ELL: variants seen among roughly 807,000 people sequenced by gnomAD.
ELL encodes the protein RNA polymerase II elongation factor ELL.
A neutral mutation model predicts 64.0 loss-of-function variants in ELL; 18 were observed. The ratio of observed to expected loss-of-function variants is 0.28; its 90% CI spans 0.19 to 0.42. The LOEUF is 0.42. Ranked by LOEUF, ELL falls within the 10% of genes least tolerant of loss-of-function variation. The pLI is 1.00. For missense variants in ELL, 797 were observed against 870.4 expected (o/e 0.92, Z 1.06); for synonymous variants, 399 against 376.2 (o/e 1.06, Z -0.70).
intron 1 of ELL, among the ~76,000 whole-genome samples, chr19:18,486,092 AC>A (rs1166042865): frequency 6.6e-6 from 1 of 151,842 alleles, no homozygotes; most frequent in Non-Finnish European, 1.5e-5. Flanking sequence ...GAGCACAGCC[AC>A]CCCCTGCTGA....
chr19:18,475,579 G>A (rs1229515615), intron 1 of ELL, among the ~76,000 whole-genome samples: 1 of 152,198 alleles, frequency 6.6e-6, no homozygotes, highest in African/African-American at 2.4e-5. Flanking sequence ...CCAAAAAGCG[G>A]CAGTAGCCCA....
chr19:18,514,296 G>A (rs1016442544), intron 1 of ELL, among the ~76,000 whole-genome samples: 9 of 151,910 alleles, frequency 5.9e-5, no homozygotes, highest in East Asian at 3.9e-4. Context: ...AGCAGATCAC[G>A]AGGTCAAGAG....
rs376636457 is a variant in ELL, at chr19:18,465,935, G to A, written c.184-17C>T. Reference sequence around the variant, plus strand: ...GGAGATGTGCTGCGTGGAGGGGGAGGGGGTGTCACTGGGAGGTCCTCGGCA... The same window carrying A: ...GGAGATGTGCTGCGTGGAGGGGGAGAGGGTGTCACTGGGAGGTCCTCGGCA... On this transcript the variant is annotated splice_polypyrimidine_tract_variant and intron_variant, in intron 2 of 11. Transcript: ENST00000262809. The A allele has an allele frequency of 2.3e-6, 3 of 1,294,268 alleles. No homozygotes were observed. Among genetic ancestry groups the A allele is most frequent in the Non-Finnish European group, 3.0e-6 (3 of 1,014,510 alleles). 80.2% of individuals were successfully genotyped at this position (1,294,268 alleles called of 1,614,324 possible).
chr19:18,451,636 C>T lies in ELL; in HGVS notation c.882G>A (p.Gln294=), dbSNP rs749004806. 2 of 1,501,988 alleles carry T rather than the reference C, an allele frequency of 1.3e-6. No homozygotes were observed. Among genetic ancestry groups the T allele is most frequent in the East Asian group, 2.7e-5 (1 of 36,974 alleles). 93.0% of individuals were successfully genotyped at this position (1,501,988 alleles called of 1,614,324 possible). Residue 294 remains glutamine, a synonymous_variant, in exon 7 of 12, where the codon CAG becomes CAA. Coordinates refer to ENST00000262809, the MANE Select transcript of ELL (RefSeq NM_006532.4). ...LKRVLVRKLC[Q]PQSTGSLLGD... is the part of the protein sequence containing the mutation. ...CAAGGAGGCTGCCAGTGCTCTGTGG[C>T]TGGCACAGCTTCCTGCGAAGGAGAG...
At chr19:18,448,098 T>A (rs1974454297) in intron 8 of ELL, among the ~76,000 whole-genome samples, 1 of 151,836 alleles carries the variant, frequency 6.6e-6, no homozygotes, top group African/African-American at 2.4e-5. Flanking sequence ...TTTTTTTTTT[T>A]TTTTTTTACT....
chr19:18,514,500 T>C (rs4808813), intron 1 of ELL, among the ~76,000 whole-genome samples: 43,917 of 130,294 alleles, frequency 0.34, 8,629 homozygotes, highest in African/African-American at 0.59. Flanking sequence ...GGCAACAGAG[T>C]GAGACTCCAT....
intron 1 of ELL, among the ~76,000 whole-genome samples, chr19:18,497,021 T>C (rs1360747913): frequency 6.6e-6 from 1 of 152,208 alleles, no homozygotes; most frequent in Admixed American, 6.5e-5. Flanking sequence ...CACCATCCAA[T>C]GCAATAATTG....
chr19:18,461,723 C>T lies in ELL; in HGVS notation c.599G>A (p.Ser200Asn). The T allele has an allele frequency of 6.2e-7, 1 of 1,613,838 alleles. No homozygotes were observed. Among genetic ancestry groups the T allele is most frequent in the South Asian group, 1.1e-5 (1 of 91,092 alleles). Residue 200 changes from serine to asparagine, a missense_variant, in exon 5 of 12, where the codon AGC becomes AAC. Transcript: ENST00000262809. ...ACGGAAGGGCCTCTGGGACACCCCG[C>T]TGCCCCCACTCACGGCACTGGCACC... ...KSGASAVSGGSGVSQRPFRDR... is the reference protein window; with the variant it reads ...KSGASAVSGGNGVSQRPFRDR...
rs369194934 is a variant in ELL, at chr19:18,493,343, C to T, written c.136-20461G>A. On this transcript the variant is annotated intron_variant, in intron 1 of 11. Transcript: ENST00000262809. ...AGAAAAGATGGGCTCTGTGCTGCGG[C>T]CCTGAGGGGCTTGCCCTGGGCCCTG... Among the ~76,000 whole-genome samples the T allele has an allele frequency of 4.6e-5, 7 of 152,352 alleles. No homozygotes were observed. In the South Asian group the frequency reaches 1.4e-3, roughly 32 times the overall value.
At chr19:18,475,506 C>T (rs1011607739) in intron 1 of ELL, among the ~76,000 whole-genome samples, 3 of 151,222 alleles carry the variant, frequency 2.0e-5, no homozygotes, top group African/African-American at 7.3e-5. Flanking sequence ...TATACACCCA[C>T]AAAAACACAC....
chr19:18,468,829 G>A (rs1372250967), intron 2 of ELL, among the ~76,000 whole-genome samples: 2 of 152,230 alleles, frequency 1.3e-5, no homozygotes, highest in African/African-American at 4.8e-5. Context: ...CAGGGGAGAT[G>A]CCACTCAGCA....
intron 1 of ELL, among the ~76,000 whole-genome samples, chr19:18,518,064 T>A (rs1976166382): frequency 6.6e-6 from 1 of 151,398 alleles, no homozygotes; most frequent in Non-Finnish European, 1.5e-5. Context: ...CCACTAAAAG[T>A]ACAAAATTTG....
chr19:18,506,164 G>A (rs188450729), intron 1 of ELL, among the ~76,000 whole-genome samples: 4 of 152,326 alleles, frequency 2.6e-5, no homozygotes, highest in Non-Finnish European at 4.4e-5. Flanking sequence ...CATGCCACAC[G>A]CAGCAGCTGG....
intron 1 of ELL, among the ~76,000 whole-genome samples, chr19:18,476,509 C>T (rs963858845): frequency 3.3e-5 from 5 of 151,522 alleles, no homozygotes; most frequent in Admixed American, 1.3e-4. Context: ...CTGTGGGCCA[C>T]GCCATCCAGT....
chr19:18,461,839 C>G lies in ELL; in HGVS notation c.483G>C (p.Gln161His). ...TTGCACCTGGGGCTGGTTTCCGAAA[C>G]TGAACCTTCTTGCCTGCAACAAGAA... The part of the protein sequence containing the change: ...AGGRYLGKKV[Q>H]FRKPAPGATD... The change falls in exon 5 of 12, where the codon CAG (glutamine) becomes CAC (histidine). Residue 161 changes from glutamine to histidine, a missense_variant. Gln to His is a conservative substitution (Grantham distance 24, BLOSUM62 0). Transcript: ENST00000262809. 1 of 1,612,478 alleles carries G rather than the reference C, an allele frequency of 6.2e-7. No homozygotes were observed. The highest frequency in any genetic ancestry group is 8.5e-7 in the Non-Finnish European group (1 of 1,178,738).
At chr19:18,481,608 C>G (rs894110076) in intron 1 of ELL, among the ~76,000 whole-genome samples, 1 of 152,162 alleles carries the variant, frequency 6.6e-6, no homozygotes, top group African/African-American at 2.4e-5. Flanking sequence ...TGCAAAGTCC[C>G]TTTTTCCACA....
chr19:18,466,851 C>A (rs1974947761), intron 2 of ELL, among the ~76,000 whole-genome samples: 1 of 152,146 alleles, frequency 6.6e-6, no homozygotes, highest in Admixed American at 6.5e-5. Context: ...GGCTGCAGCA[C>A]CCCCTTGGCA....
intron 1 of ELL, among the ~76,000 whole-genome samples, chr19:18,499,550 ACTT>A (rs1975736516): frequency 6.6e-6 from 1 of 152,218 alleles, no homozygotes; most frequent in Admixed American, 6.5e-5. Flanking sequence ...GCCCCTGTAG[ACTT>A]CCCAGGGTTG....
At position 18,501,328 on chromosome 19, in the gene ELL, G is replaced by A. The variant is rs1975776402; in HGVS notation, c.135+20593C>T. Among the ~76,000 whole-genome samples, 1 of 152,102 alleles carries A rather than the reference G, an allele frequency of 6.6e-6. No homozygotes were observed. The highest frequency in any genetic ancestry group is 6.5e-5 in the Admixed American group (1 of 15,278). ...CCCGGATGAGAGCAATACTGTGTGT[G>A]CCCAGCACCAACACCAAATTAAGAG... On this transcript the variant is annotated intron_variant, in intron 1 of 11. Coordinates refer to ENST00000262809, the MANE Select transcript of ELL (RefSeq NM_006532.4). This position sits in a 1 kb window ranked among gnomAD's most constrained non-coding sequence, Gnocchi z 4.5.
Sources: allele counts gnomAD v4.1 joint callset (sites outside exome capture counted in the v4.1 genomes callset), GRCh38; gene constraint gnomAD v4.1.1; non-coding constraint Gnocchi (gnomAD v3.1); transcripts MANE v1.5; gene names NCBI Gene and HGNC (gene_info 2026-07-23, HGNC 2026-07-21).